PCDHGB4: variants seen among roughly 807,000 people sequenced by gnomAD.
PCDHGB4 encodes the protein protocadherin gamma subfamily B, 4, also known as protocadherin gamma-B4.
A neutral mutation model predicts 60.5 loss-of-function variants in PCDHGB4; 38 were observed. The ratio of observed to expected loss-of-function variants is 0.63; its 90% confidence interval spans 0.48 to 0.82. The LOEUF is 0.82. Ranked by LOEUF, PCDHGB4 falls within the 40% of genes least tolerant of loss-of-function variation. PCDHGB4 has a pLI of 0.00. For synonymous variants in PCDHGB4, 456 were observed against 509.7 expected, an observed-to-expected ratio of 0.89 and a Z score of 1.42; for missense variants, 1,109 against 1,209.6, an observed-to-expected ratio of 0.92 and a Z score of 1.23.
chr5:141,422,691 C>A, intron 1 of PCDHGB4: 1 of 1,603,878 alleles, frequency 6.2e-7, no homozygotes, highest in Non-Finnish European at 8.5e-7. Flanking sequence ...ATGCCCTGGT[C>A]ACTTACTCTC....
intron 1 of PCDHGB4, chr5:141,398,671 A>G (rs759202675): frequency 1.2e-6 from 2 of 1,614,018 alleles, no homozygotes; most frequent in Non-Finnish European, 1.7e-6. Context: ...CTCATTAATA[A>G]TTAAGGAGAA....
chr5:141,479,733 A>G (rs2099504879), intron 1 of PCDHGB4: 1 of 152,254 alleles, frequency 6.6e-6, no homozygotes, highest in Admixed American at 6.5e-5. Context: ...TTTCTTAAGT[A>G]TATGCACAAT....
In PCDHGB4 at chr5:141,512,517, A is replaced by G. The variant is rs985434754; in HGVS notation, c.*1344A>G. ...GTCCCCAGTGCGCCCCCTAGTGGCC[A>G]TAGCCTGGTTAAAGTTCCCCAGTGC... On this transcript the variant is annotated 3_prime_UTR_variant, in exon 4 of 4. Coordinates refer to ENST00000519479, the MANE Select transcript of PCDHGB4 (RefSeq NM_003736.4). 3 of 152,938 alleles carry G rather than the reference A, an allele frequency of 2.0e-5. No individual in the cohort carries two copies. Among genetic ancestry groups the G allele is most frequent in the African/African-American group, 7.2e-5 (3 of 41,464 alleles). 9.5% of individuals were successfully genotyped at this position (152,938 alleles called of 1,614,324 possible).
chr5:141,490,098 T>C lies in PCDHGB4; in HGVS notation c.2398-4709T>C, dbSNP rs774132407. On this transcript the variant is annotated intron_variant, in intron 1 of 3. Transcript: ENST00000519479. The surrounding 1 kb of genome is among the most constrained non-coding windows in gnomAD (Gnocchi z 5.4). ...ACTATTCTTTTGGAGACCACACATCTGAGGCAGTGCGGAACCTCTTTGGCC... is the reference window on the plus strand; with the variant it reads ...ACTATTCTTTTGGAGACCACACATCCGAGGCAGTGCGGAACCTCTTTGGCC... The C allele has an allele frequency of 6.2e-7, 1 of 1,614,260 alleles. No homozygotes were observed. The highest frequency in any genetic ancestry group is 8.5e-7 in the Non-Finnish European group (1 of 1,180,038).
Position 141,491,900 on chromosome 5 carries a change from G to C in PCDHGB4, c.2398-2907G>C. ...TAAGGGATGGGGCTCCGAGCACCGG[G>C]GGTGGTGGCGACTGTGGGCGAGGGG... On this transcript the variant is annotated intron_variant, in intron 1 of 3. Transcript: ENST00000519479. This position sits in a 1 kb window ranked among gnomAD's most constrained non-coding sequence, Gnocchi z 6.9. 1 of 1,429,936 alleles carries C rather than the reference G, an allele frequency of 7.0e-7. No homozygotes were observed. Among genetic ancestry groups the C allele is most frequent in the South Asian group, 1.5e-5 (1 of 67,072 alleles). 88.6% of individuals were successfully genotyped at this position (1,429,936 alleles called of 1,614,324 possible). A position where few individuals can be genotyped will look rare whatever the true frequency, so the allele number is the denominator to read the frequency against.
intron 1 of PCDHGB4, chr5:141,433,078 C>A (rs947684072): frequency 2.5e-5 from 40 of 1,614,144 alleles, no homozygotes; most frequent in Non-Finnish European, 3.3e-5. Context: ...TCCCCCAGCC[C>A]AACTATGCAG....
chr5:141,414,864 G>A (rs766848727), intron 1 of PCDHGB4: 2 of 1,614,174 alleles, frequency 1.2e-6, no homozygotes, highest in South Asian at 2.2e-5. Context: ...ACGACAATGC[G>A]CCCGAGATCC....
Position 141,410,843 on chromosome 5 carries a change from CTT to C in PCDHGB4, c.2397+20564_2397+20565del, listed in dbSNP as rs1452086070. 5.3e-4 allele frequency: 115 copies of C among 216,326 alleles called. 1 individual carries two copies. In the East Asian group the frequency reaches 7.7e-3, roughly 14 times the overall value. 13.4% of individuals were successfully genotyped at this position (216,326 alleles called of 1,614,324 possible). A position where few individuals can be genotyped will look rare whatever the true frequency, so the allele number is the denominator to read the frequency against. The stretch of plus-strand genomic sequence containing the variant: ...TGTCACCAGACTGAAGATATTTTGT[CTT>C]TGTCTTTTTTTTTTTTTTTTTTTTT... On this transcript the variant is annotated intron_variant, in intron 1 of 3. Transcript: ENST00000519479.
intron 1 of PCDHGB4, among the ~76,000 whole-genome samples, chr5:141,482,652 G>C (rs1276348234): frequency 6.6e-6 from 1 of 152,074 alleles, no homozygotes; most frequent in African/African-American, 2.4e-5. Flanking sequence ...GGTGATGCTT[G>C]AGCTATGATC....
chr5:141,489,894 G>T lies in PCDHGB4; in HGVS notation c.2398-4913G>T. 1.2e-6 allele frequency: 2 copies of T among 1,614,204 alleles called. No homozygotes were observed. Among genetic ancestry groups the T allele is most frequent in the Non-Finnish European group, 1.7e-6 (2 of 1,180,028 alleles). The stretch of plus-strand genomic sequence containing the variant: ...TGGTGCTTACTGCTGTGGATGGGGG[G>T]ACCCCAGCCCGCTCAGGGACCACCC... On this transcript the variant is annotated intron_variant, in intron 1 of 3. Transcript: ENST00000519479. The surrounding 1 kb of genome is among the most constrained non-coding windows in gnomAD (Gnocchi z 4.5).
intron 1 of PCDHGB4, chr5:141,400,547 C>T (rs534226736): frequency 2.5e-6 from 4 of 1,613,676 alleles, no homozygotes; most frequent in Non-Finnish European, 3.4e-6. Context: ...TATGTCTATT[C>T]TTTTTCATTA....
Position 141,409,638 on chromosome 5 carries a change from C to T in PCDHGB4, c.2397+19357C>T, listed in dbSNP as rs1040366842. The T allele has an allele frequency of 3.1e-6, 5 of 1,613,648 alleles. No homozygotes were observed. The highest frequency in any genetic ancestry group is 1.7e-5 in the Admixed American group (1 of 60,006). ...ATTGCGCAAGTGAGCGCCTCTGACC[C>T]GGATTTGGGGCTCAATGGCCACATC... On this transcript the variant is annotated intron_variant, in intron 1 of 3. Coordinates refer to ENST00000519479, the MANE Select transcript of PCDHGB4 (RefSeq NM_003736.4).
intron 1 of PCDHGB4, chr5:141,415,634 C>T: frequency 6.3e-7 from 1 of 1,589,948 alleles, no homozygotes; most frequent in East Asian, 2.3e-5. Flanking sequence ...TTCATTTTTA[C>T]TTTTGTTAAA....
chr5:141,408,833 A>G, intron 1 of PCDHGB4: 1 of 1,613,704 alleles, frequency 6.2e-7, no homozygotes, highest in Non-Finnish European at 8.5e-7. Context: ...TCATAGCTTG[A>G]TATTGACTGC....
chr5:141,418,045 G>C (rs754041387), intron 1 of PCDHGB4: 2 of 1,614,002 alleles, frequency 1.2e-6, no homozygotes, highest in Admixed American at 1.7e-5. Context: ...TGGATGTGTC[G>C]GCTCGCGAGC....
At position 141,491,578 on chromosome 5, in the gene PCDHGB4, C is replaced by T. The variant is rs1438933474; in HGVS notation, c.2398-3229C>T. 7.4e-6 allele frequency: 12 copies of T among 1,613,888 alleles called. No homozygotes were observed. The highest frequency in any genetic ancestry group is 1.0e-5 in the Non-Finnish European group (12 of 1,180,044). On this transcript the variant is annotated intron_variant, in intron 1 of 3. Coordinates refer to ENST00000519479, the MANE Select transcript of PCDHGB4 (RefSeq NM_003736.4). This position sits in a 1 kb window ranked among gnomAD's most constrained non-coding sequence, Gnocchi z 6.9. ...CCACTGCTACAGGACGTGCTTTTCA[C>T]CGGCCTCGGACGGCAGTGACTTCAC...
intron 1 of PCDHGB4, chr5:141,423,627 C>T (rs925883716): frequency 6.2e-7 from 1 of 1,604,886 alleles, no homozygotes; most frequent in African/African-American, 1.3e-5. Context: ...ACTCAGCTAT[C>T]ATTTTAGGCA....
chr5:141,392,688 C>T (rs1009459106), intron 1 of PCDHGB4: 2 of 1,113,934 alleles, frequency 1.8e-6, no homozygotes, highest in Non-Finnish European at 2.5e-6. Flanking sequence ...GCAGCGAAAC[C>T]CGACCCCTGT....
intron 1 of PCDHGB4, chr5:141,423,565 C>G: frequency 1.2e-6 from 2 of 1,613,594 alleles, no homozygotes; most frequent in Non-Finnish European, 1.7e-6. Context: ...TGGGGACACG[C>G]TCATCAGCCA....
Sources: allele counts gnomAD v4.1 joint callset (sites outside exome capture counted in the v4.1 genomes callset), GRCh38; gene constraint gnomAD v4.1.1; non-coding constraint Gnocchi (gnomAD v3.1); transcripts MANE v1.5; gene names NCBI Gene and HGNC (gene_info 2026-07-23, HGNC 2026-07-21).